The following RUSF1 variants were observed in gnomAD, a reference collection of about 807,000 sequenced individuals.
RUSF1 encodes RUS1 family protein C16orf58.
RUSF1 carries 58 observed loss-of-function variants against 63.0 expected under a neutral mutation model. The observed-to-expected ratio is 0.92, with a 90% CI of 0.75 to 1.15. The LOEUF (loss-of-function observed/expected upper bound fraction) is 1.15, where lower values mean the gene tolerates loss of function less well. Among genes scored for constraint, RUSF1 ranks in the 50% most tolerant of loss-of-function variants. RUSF1 has a pLI of 0.00. For missense variants in RUSF1, 652 were observed against 611.0 expected, an observed-to-expected ratio of 1.07 and a Z score of -0.71; for synonymous variants, 274 against 255.8, an observed-to-expected ratio of 1.07 and a Z score of -0.68.
intron 12 of RUSF1, among the ~76,000 whole-genome samples, chr16:31,491,618 CTTTTTTT>C (rs955069758): frequency 8.1e-6 from 1 of 123,028 alleles, no homozygotes; most frequent in Non-Finnish European, 1.7e-5. Flanking sequence ...GCCCGACAGT[CTTTTTTT>C]TTTTTTTTTT....
rs536325451 is a variant in RUSF1, at chr16:31,500,308, T to C, written c.461+378A>G. On this transcript the variant is annotated intron_variant, in intron 3 of 12. Transcript: ENST00000327237. The stretch of plus-strand genomic sequence containing the variant: ...TGGCCTGGTTGAGGGTTCTGCCCAG[T>C]GAACTGCCCAATACCATGGAAAGCA... Among the ~76,000 whole-genome samples, 3 of 152,300 alleles carry C rather than the reference T, an allele frequency of 2.0e-5. No homozygotes were observed. In the South Asian group the frequency reaches 6.2e-4, roughly 32 times the overall value.
intron 3 of RUSF1, 70 bp downstream of exon 3, chr16:31,500,616 T>C (rs1156877721): frequency 3.3e-6 from 5 of 1,532,902 alleles, no homozygotes; most frequent in Non-Finnish European, 4.5e-6. Flanking sequence ...TTAATGGCAA[T>C]ACTATTACTA....
Position 31,493,605 on chromosome 16 carries a change from G to A in RUSF1, c.956C>T (p.Thr319Ile). 6.2e-7 allele frequency: 1 copy of A among 1,614,222 alleles called. No individual in the cohort carries two copies. Among genetic ancestry groups the A allele is most frequent in the Non-Finnish European group, 8.5e-7 (1 of 1,180,038 alleles). ...CCCGAGACCAGGGGCAGGGTCACCTGTCCACAGCGGCTCCATGCGATTGGC... is the reference window on the plus strand; with the variant it reads ...CCCGAGACCAGGGGCAGGGTCACCTATCCACAGCGGCTCCATGCGATTGGC... ...TAANRMEPLW[T>I]GFWPAPSLSL... is the part of the protein sequence containing the mutation. Residue 319 changes from threonine (T) to isoleucine (I), a missense_variant and splice_region_variant, in exon 8 of 13, where the codon ACA (threonine) becomes ATA (isoleucine). Thr to Ile is a moderately conservative substitution (Grantham distance 89). Transcript: ENST00000327237.
At position 31,500,806 on chromosome 16, in the gene RUSF1, G is replaced by A. The variant is rs1028944580; in HGVS notation, c.416-75C>T. 3.0e-5 allele frequency: 44 copies of A among 1,477,998 alleles called. No homozygotes were observed. The Middle Eastern group carries it at 8.9e-4, about 30-fold the overall frequency. The allele number at this position is 1,477,998 out of a possible 1,614,324, so 91.6% of individuals were successfully genotyped here. On this transcript the variant is annotated intron_variant, in intron 2 of 12. Transcript: ENST00000327237. ...GTGGGGCCTGGCAGACCCTGGCACT[G>A]AACTGGCCAATTCACTGAGTCACTG...
intron 2 of RUSF1, among the ~76,000 whole-genome samples, chr16:31,507,361 C>G (rs769004374): frequency 6.6e-6 from 1 of 152,178 alleles, no homozygotes; most frequent in African/African-American, 2.4e-5. Flanking sequence ...TCTTTCCAGG[C>G]TCTCCTCTCT....
At position 31,499,362 on chromosome 16, in the gene RUSF1, A is replaced by C. The variant is rs2082620863; in HGVS notation, c.540T>G (p.Ile180Met). ...ILNDVAMFLEIMAPVYPICFT... is the reference protein window; with the variant it reads ...ILNDVAMFLEMMAPVYPICFT... ...AACAGATTGGGTATACAGGAGCCAT[A>C]ATCTCAAGGAACATGGCTACGTCAT... The change falls in exon 5 of 13, where the codon ATT becomes ATG. Residue 180 changes from isoleucine (I) to methionine (M), a missense_variant. By Grantham distance (10) the Ile-to-Met change is conservative. Coordinates refer to ENST00000327237, the MANE Select transcript of RUSF1 (RefSeq NM_022744.4). 1 of 1,613,846 alleles carries C rather than the reference A, an allele frequency of 6.2e-7. No homozygotes were observed. The highest frequency in any genetic ancestry group is 1.3e-5 in the African/African-American group (1 of 74,902).
chr16:31,502,411 G>A (rs1002507921), intron 2 of RUSF1, among the ~76,000 whole-genome samples: 7 of 152,148 alleles, frequency 4.6e-5, no homozygotes, highest in African/African-American at 1.4e-4. Context: ...AAATACCTGT[G>A]CTTTTTCATC....
Position 31,493,539 on chromosome 16 carries a change from G to A in RUSF1, c.959-15C>T. Reference sequence around the variant, plus strand: ...TGGCCAGAAACCTGTGGGAAGCTGGGGTCAGGATGCCTAGGCAGTGGGAGA... The same window carrying A: ...TGGCCAGAAACCTGTGGGAAGCTGGAGTCAGGATGCCTAGGCAGTGGGAGA... On this transcript the variant is annotated splice_polypyrimidine_tract_variant and intron_variant, in intron 8 of 12. Transcript: ENST00000327237. The A allele has an allele frequency of 6.2e-7, 1 of 1,614,064 alleles. No homozygotes were observed. The highest frequency in any genetic ancestry group is 1.1e-5 in the South Asian group (1 of 91,066).
At chr16:31,504,330 A>G (rs1444749436) in intron 2 of RUSF1, among the ~76,000 whole-genome samples, 3 of 151,892 alleles carry the variant, frequency 2.0e-5, no homozygotes, top group Non-Finnish European at 2.9e-5. Context: ...GTGCAGTGGC[A>G]CTATCTCGGT....
chr16:31,508,300 C>G lies in RUSF1; in HGVS notation c.74G>C (p.Arg25Pro). The change falls in exon 1 of 13, where the codon CGC becomes CCC. Residue 25 changes from arginine (R) to proline (P), a missense_variant. Transcript: ENST00000327237. Reference sequence around the variant, plus strand: ...CTGCAGGCTCCCGTCCGCGGCGGCGCGGCAGCCCCGTGCCTCCCCGGAGCC... The same window carrying G: ...CTGCAGGCTCCCGTCCGCGGCGGCGGGGCAGCCCCGTGCCTCCCCGGAGCC... ...QFGSGEARGC[R>P]AAADGSLQWE... The G allele has an allele frequency of 6.3e-7, 1 of 1,576,298 alleles. No homozygotes were observed. The highest frequency in any genetic ancestry group is 1.2e-5 in the South Asian group (1 of 86,678).
rs752271166 is a variant in RUSF1, at chr16:31,496,881, T to C, written c.670A>G (p.Met224Val). Residue 224 changes from methionine (M) to valine (V), a missense_variant, in exon 6 of 13, where the codon ATG (methionine) becomes GTG (valine). Transcript: ENST00000327237. ...CTGTCCTTGGCTGACACGTCAGCCATGTTGTTCCTCCGAGCCTGGTGCACG... is the reference window on the plus strand; with the variant it reads ...CTGTCCTTGGCTGACACGTCAGCCACGTTGTTCCTCCGAGCCTGGTGCACG... ...LTVHQARRNN[M>V]ADVSAKDSSQ... 7.3e-5 allele frequency: 117 copies of C among 1,608,224 alleles called. 1 individual carries two copies. In the Middle Eastern group the frequency reaches 8.3e-4, roughly 11 times the overall value.
At chr16:31,493,189 T>TA in intron 9 of RUSF1, 141 bp from the exon 10 acceptor site, 2 of 940,518 alleles carry the variant, frequency 2.1e-6, no homozygotes, top group South Asian at 2.8e-5. Context: ...CCTCAGCCAT[T>TA]ACCCATACAC....
rs968606888 is a variant in RUSF1, at chr16:31,507,886, A to G, written c.301-8T>C. On this transcript the variant is annotated splice_polypyrimidine_tract_variant and splice_region_variant and intron_variant, in intron 1 of 12. Transcript: ENST00000327237. ...GAGGCTGGAAGCAAACGCCTGGAGA[A>G]GAAAACAAGTAGGGTGAGAAGCGGG... 2 of 1,554,068 alleles carry G rather than the reference A, an allele frequency of 1.3e-6. No individual in the cohort carries two copies. Among genetic ancestry groups the G allele is most frequent in the African/African-American group, 2.7e-5 (2 of 73,184 alleles).
rs1234180215 is a variant in RUSF1, at chr16:31,508,343, G to A, written c.31C>T (p.Leu11=). The change falls in exon 1 of 13, where the codon CTG becomes TTG. Residue 11 remains leucine (L), a synonymous_variant. Coordinates refer to ENST00000327237, the MANE Select transcript of RUSF1 (RefSeq NM_022744.4). The part of the protein sequence containing the change: MADDAGLETP[L]CSEQFGSGEA... ...CCGGAGCCGAACTGCTCGGAACACA[G>A]CGGGGTCTCCAAACCCGCGTCGTCA... 1 of 1,555,990 alleles carries A rather than the reference G, an allele frequency of 6.4e-7. No individual in the cohort carries two copies. Among genetic ancestry groups the A allele is most frequent in the Non-Finnish European group, 8.6e-7 (1 of 1,161,262 alleles).
Position 31,492,243 on chromosome 16 carries a change from T to TCCATCTCCCTGCAGGGCC in RUSF1, c.1167_1184dup (p.Ala390_Gly395dup). 6.2e-7 allele frequency: 1 copy of TCCATCTCCCTGCAGGGCC among 1,613,052 alleles called. No individual in the cohort carries two copies. The highest frequency in any genetic ancestry group is 1.7e-5 in the Admixed American group (1 of 59,910). On this transcript the variant is annotated inframe_insertion, in exon 11 of 13. Transcript: ENST00000327237. ...GCTCCTCCAGCTCTGCTGGAAGGGGTCCATCTCCCTGCAGGGCCCCAAGCA... is the reference window on the plus strand; with the variant it reads ...GCTCCTCCAGCTCTGCTGGAAGGGGTCCATCTCCCTGCAGGGCCCCATCTCCCTGCAGGGCCCCAAGCA...
chr16:31,496,333 T>C (rs2082602220), intron 6 of RUSF1, among the ~76,000 whole-genome samples: 1 of 152,168 alleles, frequency 6.6e-6, no homozygotes, highest in Non-Finnish European at 1.5e-5. Context: ...AGTGCTAGGA[T>C]GACAGGCGTG....
chr16:31,507,685 C>T (rs1267110697), intron 2 of RUSF1, 79 bp downstream of exon 2: 2 of 1,317,930 alleles, frequency 1.5e-6, no homozygotes. Context: ...GGCACGAGTC[C>T]ATACATATAT....
chr16:31,495,241 G>A (rs1002505907), intron 6 of RUSF1, among the ~76,000 whole-genome samples: 1 of 152,150 alleles, frequency 6.6e-6, no homozygotes, highest in Non-Finnish European at 1.5e-5. Flanking sequence ...GGGCTCCCAG[G>A]GAGAGCTGGT....
At chr16:31,494,052 C>A in intron 6 of RUSF1, 116 bp from the exon 7 acceptor site, 2 of 1,136,768 alleles carry the variant, frequency 1.8e-6, no homozygotes, top group South Asian at 2.9e-5. Context: ...CTCCTTACTG[C>A]AATGTGGGTA....
Sources: allele counts gnomAD v4.1 joint callset (sites outside exome capture counted in the v4.1 genomes callset), GRCh38; gene constraint gnomAD v4.1.1; transcripts MANE v1.5; gene names NCBI Gene and HGNC (gene_info 2026-07-23, HGNC 2026-07-21).